Variants in SKP2 observed in about 807,000 individuals in gnomAD.
SKP2 encodes the protein S-phase kinase-associated protein 2.
In SKP2, 16 loss-of-function variants were observed where a neutral mutation model predicts 51.8. That is an observed-to-expected ratio of 0.31 (90% CI 0.21 to 0.47). The LOEUF (loss-of-function observed/expected upper bound fraction) is 0.47, where lower values mean the gene tolerates loss of function less well. Among genes scored for constraint, SKP2 ranks in the 20% least tolerant of loss-of-function variants. The probability of loss-of-function intolerance (pLI) is 1.00; values close to 1 mark genes in which losing one functional copy is unlikely to be tolerated. For synonymous variants in SKP2, 176 were observed against 198.6 expected (o/e 0.89, Z 0.96); for missense variants, 377 against 505.3 (o/e 0.75, Z 2.43).
At chr5:36,169,278 C>G (rs539889191) in intron 5 of SKP2, among the ~76,000 whole-genome samples, 80 of 152,154 alleles carry the variant, frequency 5.3e-4, no homozygotes, top group African/African-American at 1.8e-3. Context: ...AATCCTGTCT[C>G]TACTAAAAAT....
downstream of SKP2, chr5:36,184,325 A>G (rs1328698847): frequency 1.8e-5 from 3 of 168,698 alleles, no homozygotes; most frequent in Non-Finnish European, 3.8e-5. Flanking sequence ...GGTTTGTTAC[A>G]TATGTATACA....
At chr5:36,177,797 C>G (rs1745682253) in intron 9 of SKP2, among the ~76,000 whole-genome samples, 1 of 152,052 alleles carries the variant, frequency 6.6e-6, no homozygotes, top group African/African-American at 2.4e-5. Flanking sequence ...AAGTCTGATA[C>G]TGTTTTTGAA....
chr5:36,152,853 G>C lies in SKP2; in HGVS notation c.91G>C (p.Glu31Gln), dbSNP rs370833364. The C allele has an allele frequency of 3.7e-6, 6 of 1,614,010 alleles. No homozygotes were observed. The highest frequency in any genetic ancestry group is 1.1e-5 in the South Asian group (1 of 91,078). The change falls in exon 2 of 10, where the codon GAA (glutamate) becomes CAA (glutamine). Residue 31 changes from glutamate to glutamine, a missense_variant. Around this residue, in one of 2 missense-constraint regions of SKP2, gnomAD observed 115 missense variants for 115.5 expected, o/e 1.00. Coordinates refer to ENST00000274255, the MANE Select transcript of SKP2 (RefSeq NM_005983.4). ...TWGWDSSKTS[E>Q]LLSGMGVSAL... is the part of the protein sequence containing the mutation. Reference sequence around the variant, plus strand: ...GGGATGGGATTCCAGCAAGACTTCTGAACTGCTGTCAGGCATGGGGGTCTC... The same window carrying C: ...GGGATGGGATTCCAGCAAGACTTCTCAACTGCTGTCAGGCATGGGGGTCTC...
Position 36,183,186 on chromosome 5 carries a change from T to C in SKP2, c.*1155T>C. ...ACCTACATAAGAGTTAAAATCCAGA[T>C]GTGGGACCTTTTGATACCATCAGTG... On this transcript the variant is annotated 3_prime_UTR_variant, in exon 10 of 10. Coordinates refer to ENST00000274255, the MANE Select transcript of SKP2 (RefSeq NM_005983.4). 2 of 974,714 alleles carry C rather than the reference T, an allele frequency of 2.1e-6. No individual in the cohort carries two copies. Among genetic ancestry groups the C allele is most frequent in the Non-Finnish European group, 2.4e-6 (2 of 820,036 alleles). The allele number at this position is 974,714 out of a possible 1,614,324, so 60.4% of individuals were successfully genotyped here.
chr5:36,179,914 A>ATTT (rs3840163), intron 9 of SKP2, among the ~76,000 whole-genome samples: 29 of 143,002 alleles, frequency 2.0e-4, no homozygotes, highest in South Asian at 6.5e-4. Flanking sequence ...TACCGGGGGC[A>ATTT]TTTTTTTTTT....
chr5:36,168,570 T>C (rs1745369026), intron 5 of SKP2, 123 bp downstream of exon 5: 2 of 888,928 alleles, frequency 2.2e-6, no homozygotes, highest in Non-Finnish European at 3.5e-6. Context: ...TCTAGTGCAG[T>C]GCTCTAGCTT....
chr5:36,184,013 A>G lies in SKP2; in HGVS notation c.*1982A>G, dbSNP rs1745902514. Reference sequence around the variant, plus strand: ...TATAGACTTGTTTTAAAACAATAAAACACATTTTTATAAAAATGAGTGCTT... The same window carrying G: ...TATAGACTTGTTTTAAAACAATAAAGCACATTTTTATAAAAATGAGTGCTT... On this transcript the variant is annotated 3_prime_UTR_variant, in exon 10 of 10. Transcript: ENST00000274255. 1 of 1,457,938 alleles carries G rather than the reference A, an allele frequency of 6.9e-7. No individual in the cohort carries two copies. Among genetic ancestry groups the G allele is most frequent in the Non-Finnish European group, 9.5e-7 (1 of 1,054,530 alleles). The allele number at this position is 1,457,938 out of a possible 1,614,324, so 90.3% of individuals were successfully genotyped here. A position where few individuals can be genotyped will look rare whatever the true frequency, so the allele number is the denominator to read the frequency against.
chr5:36,188,744 T>G (rs550772851), downstream of SKP2, among the ~76,000 whole-genome samples: 20 of 152,324 alleles, frequency 1.3e-4, no homozygotes, highest in East Asian at 5.8e-4. Context: ...CTTTGTGGTG[T>G]TCTCTGTATT....
At chr5:36,163,811 T>G (rs1745201272) in intron 3 of SKP2, 55 bp downstream of exon 3, 1 of 1,200,078 alleles carries the variant, frequency 8.3e-7, no homozygotes, top group Non-Finnish European at 1.2e-6. Context: ...AGAGGAAGGT[T>G]ATTTATTCGT....
chr5:36,184,978 C>T (rs1352843368), downstream of SKP2, among the ~76,000 whole-genome samples: 3 of 152,148 alleles, frequency 2.0e-5, no homozygotes, highest in Non-Finnish European at 4.4e-5. Context: ...GATGGTATCT[C>T]ATTGTGGTTT....
At chr5:36,191,743 T>C (rs1746029382) in intron 6 of SKP2, among the ~76,000 whole-genome samples, 1 of 152,090 alleles carries the variant, frequency 6.6e-6, no homozygotes, top group Admixed American at 6.5e-5. Flanking sequence ...AAGAAACCTC[T>C]TGTCACTGCA....
downstream of SKP2, among the ~76,000 whole-genome samples, chr5:36,188,271 T>G (rs1464950944): frequency 1.3e-5 from 2 of 152,214 alleles, no homozygotes; most frequent in Non-Finnish European, 2.9e-5. Flanking sequence ...ATCCTGTCAT[T>G]ATGATGTTAG....
intron 2 of SKP2, among the ~76,000 whole-genome samples, chr5:36,159,807 G>A (rs1351095863): frequency 1.3e-5 from 2 of 152,140 alleles, no homozygotes; most frequent in Non-Finnish European, 2.9e-5. Context: ...TAAACTACTT[G>A]AAGTCAGAGC....
At position 36,184,036 on chromosome 5, in the gene SKP2, C is replaced by G. The variant is rs966134897; in HGVS notation, c.*2005C>G. 4.4e-6 allele frequency: 5 copies of G among 1,139,478 alleles called. No individual in the cohort carries two copies. The highest frequency in any genetic ancestry group is 5.1e-6 in the Non-Finnish European group (4 of 777,980). The allele number at this position is 1,139,478 out of a possible 1,614,324, so 70.6% of individuals were successfully genotyped here. A position where few individuals can be genotyped will look rare whatever the true frequency, so the allele number is the denominator to read the frequency against. Reference sequence around the variant, plus strand: ...AAACACATTTTTATAAAAATGAGTGCTTAAACTAAGTTGTATTCCTTTTTT... The same window carrying G: ...AAACACATTTTTATAAAAATGAGTGGTTAAACTAAGTTGTATTCCTTTTTT... On this transcript the variant is annotated 3_prime_UTR_variant, in exon 10 of 10. Transcript: ENST00000274255.
intron 2 of SKP2, among the ~76,000 whole-genome samples, chr5:36,156,980 C>T (rs1744970863): frequency 1.3e-5 from 2 of 151,864 alleles, no homozygotes; most frequent in African/African-American, 4.8e-5. Flanking sequence ...GGGTATGTAT[C>T]TGAAACAGCA....
At chr5:36,169,015 AAACTCTTACGTAGTTGGAAGTTGCTGG>A in intron 5 of SKP2, among the ~76,000 whole-genome samples, 1 of 152,322 alleles carries the variant, frequency 6.6e-6, no homozygotes. Context: ...GTGTGGTTCT[AAACTCTTACGTAGTTGGAAGTTGCTGG>A]AGCACAGGAC....
At chr5:36,170,480 T>C in intron 6 of SKP2, 38 bp downstream of exon 6, 1 of 1,232,772 alleles carries the variant, frequency 8.1e-7, no homozygotes, top group Non-Finnish European at 1.2e-6. Flanking sequence ...GACTCTTATG[T>C]CAAACGTAAA....
intron 2 of SKP2, among the ~76,000 whole-genome samples, chr5:36,155,904 A>G (rs1348127677): frequency 6.6e-6 from 1 of 152,184 alleles, no homozygotes; most frequent in African/African-American, 2.4e-5. Flanking sequence ...TTGCAAGTCA[A>G]GTTGAGGAGA....
chr5:36,154,755 G>A (rs116831758), intron 2 of SKP2, among the ~76,000 whole-genome samples: 1 of 152,110 alleles, frequency 6.6e-6, no homozygotes, highest in South Asian at 2.1e-4. Context: ...TGCCCAGGCT[G>A]GTCTCAAACT....
Sources: gnomAD v4.1 joint callset for allele counts (sites outside exome capture counted in the v4.1 genomes callset) on GRCh38, gnomAD v4.1.1 for gene constraint, gnomAD v4.1.1 regional missense constraint, MANE v1.5 for transcripts, NCBI Gene and HGNC (gene_info 2026-07-23, HGNC 2026-07-21) for gene names.